Variants in CD109 observed in about 807,000 individuals in gnomAD.
The protein encoded by CD109 is CD109 antigen.
CD109 carries 149 observed loss-of-function variants against 165.8 expected under a neutral mutation model. That is an observed-to-expected ratio of 0.90 (90% CI 0.79 to 1.03). CD109 has a LOEUF of 1.03. Among genes scored for constraint, CD109 ranks in the 50% least tolerant of loss-of-function variants. The pLI, the probability that CD109 is intolerant of heterozygous loss-of-function variation, is 0.00. For missense variants in CD109, 1,712 were observed against 1,677.8 expected (o/e 1.02, Z -0.36); for synonymous variants, 585 against 592.1 (o/e 0.99, Z 0.18).
chr6:73,679,207 A>C, the CD109 span, among the ~76,000 whole-genome samples: 1 of 152,208 alleles, frequency 6.6e-6, no homozygotes, highest in African/African-American at 2.4e-5. Flanking sequence ...AGAAGTGAAA[A>C]TGTGGCAAGT....
Position 73,808,154 on chromosome 6 carries a change from T to A in CD109, c.3261T>A (p.Tyr1087Ter), listed in dbSNP as rs1283192225. The A allele has an allele frequency of 6.2e-7, 1 of 1,613,446 alleles. No homozygotes were observed. The highest frequency in any genetic ancestry group is 8.5e-7 in the Non-Finnish European group (1 of 1,179,632). ...TCAGTAGAGGAATTTCAGACAATTATACTCTAGCCCTTATAACTTATGCAT... is the reference window on the plus strand; with the variant it reads ...TCAGTAGAGGAATTTCAGACAATTAAACTCTAGCCCTTATAACTTATGCAT... ...SEFSRGISDN[Y>*]TLALITYALS... Residue 1087 changes from tyrosine (Y) to a stop codon, truncating the protein, a stop_gained, in exon 26 of 33, where the codon TAT (tyrosine) becomes TAA (stop). Coordinates refer to ENST00000287097, the MANE Select transcript of CD109 (RefSeq NM_133493.5). LOFTEE classifies it high-confidence loss of function.
intron 2 of CD109, among the ~76,000 whole-genome samples, chr6:73,719,026 AAT>A (rs1374619755): frequency 6.6e-6 from 1 of 152,202 alleles, no homozygotes; most frequent in Non-Finnish European, 1.5e-5. Context: ...TAATTGTAAT[AAT>A]ATATTTTATT....
Position 73,782,744 on chromosome 6 carries a change from C to T in CD109, c.2094C>T (p.Asp698=). Reference sequence around the variant, plus strand: ...TTCCAGAGACTTGGATTTGGCTAGACACCAACATGGGGTAAAAATTTATAA... The same window carrying T: ...TTCCAGAGACTTGGATTTGGCTAGATACCAACATGGGGTAAAAATTTATAA... ...KHFPETWIWL[D]TNMGYRIYQE... Residue 698 remains aspartate, a synonymous_variant, in exon 18 of 33, where the codon GAC becomes GAT. Transcript: ENST00000287097. The T allele has an allele frequency of 6.2e-7, 1 of 1,613,796 alleles. No individual in the cohort carries two copies. Among genetic ancestry groups the T allele is most frequent in the South Asian group, 1.1e-5 (1 of 91,030 alleles).
At chr6:73,786,118 G>A (rs1774683002) in intron 20 of CD109, among the ~76,000 whole-genome samples, 1 of 152,136 alleles carries the variant, frequency 6.6e-6, no homozygotes, top group Non-Finnish European at 1.5e-5. Flanking sequence ...ACAGGCATGA[G>A]CCACTGCACC....
chr6:73,781,836 C>CACACACA (rs386359122), intron 17 of CD109, among the ~76,000 whole-genome samples: 3 of 62,096 alleles, frequency 4.8e-5, no homozygotes, highest in Non-Finnish European at 3.4e-5. Context: ...CACACACACA[C>CACACACA]CCCTCATCAA....
At chr6:73,720,744 A>G (rs549686646) in intron 2 of CD109, among the ~76,000 whole-genome samples, 1 of 152,344 alleles carries the variant, frequency 6.6e-6, no homozygotes, top group South Asian at 2.1e-4. Context: ...AAGATCCAGG[A>G]CAAATGCTAA....
rs1776330684 is a variant in CD109 at position 73,828,287 on chromosome 6, A to G, written c.*4654A>G. On this transcript the variant is annotated 3_prime_UTR_variant, in exon 33 of 33. Transcript: ENST00000287097. ...TGTATTCAATAGAAAATCATGATTT[A>G]TTAATAAAAGCTTAAATTCTCATCT... 6.5e-6 allele frequency: 1 copy of G among 152,816 alleles called. No homozygotes were observed. The highest frequency in any genetic ancestry group is 1.5e-5 in the Non-Finnish European group (1 of 68,162). 9.5% of individuals were successfully genotyped at this position (152,816 alleles called of 1,614,324 possible).
intron 30 of CD109, among the ~76,000 whole-genome samples, 152 bp from the exon 31 acceptor site, chr6:73,818,233 TAAC>T (rs1776002424): frequency 6.6e-6 from 1 of 152,246 alleles, no homozygotes. Context: ...AAGAAAATGA[TAAC>T]CTGTTTTAAA....
chr6:73,706,092 A>G (rs1771256273), intron 2 of CD109, among the ~76,000 whole-genome samples: 1 of 152,194 alleles, frequency 6.6e-6, no homozygotes, highest in African/African-American at 2.4e-5. Flanking sequence ...AAAGAAAGAA[A>G]TAGAAGAGAA....
intron 14 of CD109, 81 bp from the exon 15 acceptor site, chr6:73,771,348 T>G: frequency 9.1e-7 from 1 of 1,100,788 alleles, no homozygotes; most frequent in South Asian, 1.5e-5. Flanking sequence ...CTTTGCTATA[T>G]TTTGGGCCAG....
Position 73,782,550 on chromosome 6 carries a change from TGGA to T in CD109, c.1964-62_1964-60del, listed in dbSNP as rs1433759262. 2.0e-6 allele frequency: 3 copies of T among 1,474,220 alleles called. No individual in the cohort carries two copies. In the African/African-American group the frequency reaches 4.2e-5, roughly 20 times the overall value. 91.3% of individuals were successfully genotyped at this position (1,474,220 alleles called of 1,614,324 possible). A position where few individuals can be genotyped will look rare whatever the true frequency, so the allele number is the denominator to read the frequency against. The stretch of plus-strand genomic sequence containing the variant: ...AAGTGATTGACATTCATTTTGTATG[TGGA>T]GTTTACAATTCATTCTCTCCAGTGA... On this transcript the variant is annotated intron_variant, in intron 17 of 32. Coordinates refer to ENST00000287097, the MANE Select transcript of CD109 (RefSeq NM_133493.5).
intron 5 of CD109, among the ~76,000 whole-genome samples, chr6:73,747,992 C>T (rs906932345): frequency 1.3e-5 from 2 of 152,004 alleles, no homozygotes; most frequent in African/African-American, 4.8e-5. Context: ...GCCTCCATCT[C>T]CCGAGTAGCT....
rs780285956 is a variant in CD109, at chr6:73,806,999, A to G, written c.3116A>G (p.Gln1039Arg). ...GGAAGAGTGATTCATAGTGAGCTTCAAGGTGGCAATAAAAGTCCAGTAACA... is the reference window on the plus strand; with the variant it reads ...GGAAGAGTGATTCATAGTGAGCTTCGAGGTGGCAATAAAAGTCCAGTAACA... The part of the protein sequence containing the change: ...DPGRVIHSEL[Q>R]GGNKSPVTLT... The change falls in exon 25 of 33, where the codon CAA (glutamine) becomes CGA (arginine). Residue 1039 changes from glutamine (Q) to arginine (R), a missense_variant. Physicochemically the swap from Gln to Arg is conservative, Grantham distance 43. Transcript: ENST00000287097. 6.2e-7 allele frequency: 1 copy of G among 1,614,034 alleles called. No individual in the cohort carries two copies. Among genetic ancestry groups the G allele is most frequent in the South Asian group, 1.1e-5 (1 of 91,062 alleles).
In CD109 at chr6:73,806,819, G is replaced by A. The variant is rs768639067; in HGVS notation, c.2961-25G>A. ...GTGGACCTTATAAAGTGTATTTTAT[G>A]TAATTTTTTTCTCTTTTCATAAAGG... On this transcript the variant is annotated intron_variant, in intron 24 of 32. Coordinates refer to ENST00000287097, the MANE Select transcript of CD109 (RefSeq NM_133493.5). The A allele has an allele frequency of 2.4e-5, 37 of 1,559,796 alleles. No individual in the cohort carries two copies. The East Asian group carries it at 5.0e-4, about 21-fold the overall frequency.
chr6:73,694,232 A>C (rs1370843148), upstream of CD109: 1 of 152,192 alleles, frequency 6.6e-6, no homozygotes, highest in Admixed American at 6.5e-5. Context: ...TTCTGAGATG[A>C]ACATTTTTCA....
chr6:73,730,216 G>A (rs1772309212), intron 3 of CD109, 128 bp from the exon 4 acceptor site: 1 of 640,806 alleles, frequency 1.6e-6, no homozygotes, highest in Non-Finnish European at 2.7e-6. Context: ...CCTGGGAGGG[G>A]CAAATTTTCA....
chr6:73,813,376 T>C (rs1775816331), intron 29 of CD109, among the ~76,000 whole-genome samples: 1 of 152,194 alleles, frequency 6.6e-6, no homozygotes, highest in South Asian at 2.1e-4. Flanking sequence ...GAATTCATTT[T>C]TGATAAACCA....
intron 17 of CD109, among the ~76,000 whole-genome samples, chr6:73,782,195 A>G (rs951540029): frequency 2.0e-5 from 3 of 152,112 alleles, no homozygotes; most frequent in Non-Finnish European, 2.9e-5. Flanking sequence ...CTGTCCTGAA[A>G]CTTAAAAGAT....
chr6:73,756,522 C>T, intron 5 of CD109, 121 bp from the exon 6 acceptor site: 7 of 654,076 alleles, frequency 1.1e-5, no homozygotes, highest in Non-Finnish European at 1.8e-5. Flanking sequence ...TTGTTCATTG[C>T]ATCATTATAA....
Sources: allele counts gnomAD v4.1 joint callset (sites outside exome capture counted in the v4.1 genomes callset), GRCh38; gene constraint gnomAD v4.1.1; transcripts MANE v1.5; gene names NCBI Gene and HGNC (gene_info 2026-07-23, HGNC 2026-07-21).